Variants in POTEC observed in about 807,000 individuals in gnomAD.
POTEC encodes the protein ANKRD26-like family B member 2.
A neutral mutation model predicts 62.0 loss-of-function variants in POTEC; 35 were observed. The ratio of observed to expected loss-of-function variants is 0.56; its 90% CI spans 0.43 to 0.75. POTEC has a LOEUF of 0.75. Among genes scored for constraint, POTEC ranks in the 30% least tolerant of loss-of-function variants. The probability of loss-of-function intolerance (pLI) is 0.00; values close to 1 mark genes in which losing one functional copy is unlikely to be tolerated. For synonymous variants in POTEC, 156 were observed against 221.5 expected (o/e 0.70, Z 2.62); for missense variants, 472 against 655.9 (o/e 0.72, Z 3.06).
intron 6 of POTEC, among the ~76,000 whole-genome samples, chr18:14,526,238 T>G (rs113252249): frequency 6.6e-6 from 1 of 152,082 alleles, no homozygotes; most frequent in South Asian, 2.1e-4. Context: ...GAAGTCTTCC[T>G]TGATTCTGCA....
In POTEC at chr18:14,542,905, C is replaced by T. The variant is rs1285087107; in HGVS notation, c.242G>A (p.Gly81Asp). The change falls in exon 1 of 11, where the codon GGC (glycine) becomes GAC (aspartate). Residue 81 changes from glycine (G) to aspartate (D), a missense_variant. Gly to Asp is a moderately conservative substitution (Grantham distance 94). Coordinates refer to ENST00000358970, the MANE Select transcript of POTEC (RefSeq NM_001137671.2). ...CCRGSGTSNVGTSGDHDNSFM... is the reference protein window; with the variant it reads ...CCRGSGTSNVDTSGDHDNSFM... Reference sequence around the variant, plus strand: ...GGAGTTGTCATGGTCTCCAGAAGTGCCCACGTTGCTCGTGCCGCTCCCCCT... The same window carrying T: ...GGAGTTGTCATGGTCTCCAGAAGTGTCCACGTTGCTCGTGCCGCTCCCCCT... 2.3e-6 allele frequency: 3 copies of T among 1,280,258 alleles called. No homozygotes were observed. The highest frequency in any genetic ancestry group is 2.7e-5 in the East Asian group (1 of 37,480). The allele number at this position is 1,280,258 out of a possible 1,614,324, so 79.3% of individuals were successfully genotyped here.
In POTEC at chr18:14,508,057, T is replaced by C. The variant is rs1909892639; in HGVS notation, c.*3841A>G. On this transcript the variant is annotated 3_prime_UTR_variant, in exon 11 of 11. Coordinates refer to ENST00000358970, the MANE Select transcript of POTEC (RefSeq NM_001137671.2). ...ATTATGTGTCTTGGGGATGATCTTC[T>C]CATGGCATATCTTACTGAGGTTCTC... 6.6e-6 allele frequency: 1 copy of C among 152,210 alleles called. No individual in the cohort carries two copies. The highest frequency in any genetic ancestry group is 1.5e-5 in the Non-Finnish European group (1 of 68,038). 9.4% of individuals were successfully genotyped at this position (152,210 alleles called of 1,614,324 possible). A position where few individuals can be genotyped will look rare whatever the true frequency, so the allele number is the denominator to read the frequency against.
intron 10 of POTEC, among the ~76,000 whole-genome samples, chr18:14,512,684 T>C (rs1420029803): frequency 6.6e-6 from 1 of 152,150 alleles, no homozygotes; most frequent in Non-Finnish European, 1.5e-5. Context: ...GGCAGGAGAA[T>C]CGTGTGTACC....
At chr18:14,517,740 T>C (rs58314188) in intron 9 of POTEC, among the ~76,000 whole-genome samples, 1 of 152,202 alleles carries the variant, frequency 6.6e-6, no homozygotes, top group East Asian at 1.9e-4. Flanking sequence ...CATGCCCCCG[T>C]AATCCCAGCT....
rs1382801477 is a variant in POTEC, at chr18:14,513,647, G to T, written c.1533+15C>A. 1.2e-6 allele frequency: 2 copies of T among 1,610,522 alleles called. No homozygotes were observed. The highest frequency in any genetic ancestry group is 1.7e-6 in the Non-Finnish European group (2 of 1,179,608). On this transcript the variant is annotated intron_variant, in intron 10 of 10. Transcript: ENST00000358970. ...TACACATATGAAAACATTTGAAAATGACTAAAGAAAATACCTCAGAATTCA... is the reference window on the plus strand; with the variant it reads ...TACACATATGAAAACATTTGAAAATTACTAAAGAAAATACCTCAGAATTCA...
chr18:14,521,644 A>C lies in POTEC; in HGVS notation c.1409+610T>G, dbSNP rs576883995. Among the ~76,000 whole-genome samples, 38 of 152,256 alleles carry C rather than the reference A, an allele frequency of 2.5e-4. 1 individual carries two copies. In the South Asian group the frequency reaches 7.7e-3, roughly 31 times the overall value. On this transcript the variant is annotated intron_variant, in intron 9 of 10. Transcript: ENST00000358970. ...AATATGCTACTAAATTAATGTTCAA[A>C]ATGTATTTACCAACAGTGTATGAAA...
intron 6 of POTEC, chr18:14,529,092 A>G: frequency 2.3e-6 from 1 of 441,394 alleles, no homozygotes; most frequent in Non-Finnish European, 4.5e-6. Flanking sequence ...AATCATACCT[A>G]CTTTTTTTCA....
Position 14,534,993 on chromosome 18 carries a change from T to A in POTEC, c.825A>T (p.Pro275=). Residue 275 remains proline, a synonymous_variant, in exon 4 of 11, where the codon CCA becomes CCT. Coordinates refer to ENST00000358970, the MANE Select transcript of POTEC (RefSeq NM_001137671.2). ...IESKNKCGLT[P]LLLGVHEQKQ... is the part of the protein sequence containing the mutation. ...TTTGTTCATGTACGCCAAGCAAAAG[T>A]GGTGTGAGGCCACACTGTAAAACAA... is the stretch of plus-strand genomic sequence containing the variant. The A allele has an allele frequency of 1.3e-6, 2 of 1,556,408 alleles. No individual in the cohort carries two copies. Among genetic ancestry groups the A allele is most frequent in the Admixed American group, 4.0e-5 (2 of 49,942 alleles).
chr18:14,530,412 C>T, intron 6 of POTEC, 71 bp downstream of exon 6: 1 of 1,595,308 alleles, frequency 6.3e-7, no homozygotes, highest in Non-Finnish European at 8.6e-7. Context: ...CTGTCTTCCA[C>T]AAAACTGGTC....
Position 14,522,228 on chromosome 18 carries a change from C to T in POTEC, c.1409+26G>A, listed in dbSNP as rs767001240. On this transcript the variant is annotated intron_variant, in intron 9 of 10. Transcript: ENST00000358970. ...TTAGTTTGACAGCATATAGTTATCT[C>T]CTATTAAATGTTGCCATAGGCTTAC... 45 of 1,591,690 alleles carry T rather than the reference C, an allele frequency of 2.8e-5. No individual in the cohort carries two copies. The East Asian group carries it at 9.8e-4, about 35-fold the overall frequency.
Position 14,542,984 on chromosome 18 carries a change from T to C in POTEC, c.163A>G (p.Lys55Glu). The change falls in exon 1 of 11, where the codon AAG becomes GAG. Residue 55 changes from lysine to glutamate, a missense_variant. Lys to Glu is a moderately conservative substitution (Grantham distance 56, BLOSUM62 1). Transcript: ENST00000358970. ...TSGDHDDSFM[K>E]MLRSKMGKCC... ...TTGCCCATCTTGCTCCTGAGCATCT[T>C]CATAAAGGAGTCGTCGTGGTCTCCA... The C allele has an allele frequency of 6.3e-7, 1 of 1,578,408 alleles. No individual in the cohort carries two copies. The highest frequency in any genetic ancestry group is 8.6e-7 in the Non-Finnish European group (1 of 1,159,380).
chr18:14,524,836 T>C, intron 7 of POTEC, 77 bp downstream of exon 7: 1 of 1,483,122 alleles, frequency 6.7e-7, no homozygotes, highest in Non-Finnish European at 9.0e-7. Flanking sequence ...AAAGGTAATT[T>C]CATTTGGACT....
Position 14,542,737 on chromosome 18 carries a change from C to A in POTEC, c.410G>T (p.Arg137Leu). The A allele has an allele frequency of 1.2e-6, 2 of 1,613,344 alleles. No individual in the cohort carries two copies. Among genetic ancestry groups the A allele is most frequent in the Non-Finnish European group, 1.7e-6 (2 of 1,179,864 alleles). ...AFMEPRYHVR[R>L]EDLDKLHRAA... ...TCTGTGGAGCTTGTCCAGATCTTCT[C>A]GACGGACGTGGTACCTCGGCTCCAT... Residue 137 changes from arginine to leucine, a missense_variant, in exon 1 of 11, where the codon CGA becomes CTA. Physicochemically the swap from Arg to Leu is moderately radical, Grantham distance 102. Around this residue, in one of 5 missense-constraint regions of POTEC, gnomAD observed 257 missense variants for 250.7 expected, o/e 1.03. Transcript: ENST00000358970.
At chr18:14,536,973 G>C (rs1381500398) in intron 3 of POTEC, among the ~76,000 whole-genome samples, 2 of 151,594 alleles carry the variant, frequency 1.3e-5, no homozygotes, top group African/African-American at 4.9e-5. Context: ...TTAATTACTT[G>C]TTATTCCTTC....
chr18:14,519,744 A>G (rs1004839034), intron 9 of POTEC, among the ~76,000 whole-genome samples: 1 of 151,996 alleles, frequency 6.6e-6, no homozygotes, highest in Middle Eastern at 3.4e-3. Context: ...AAGTCACAAG[A>G]AAGAAGATTG....
chr18:14,515,297 A>T (rs1910116557), intron 9 of POTEC, among the ~76,000 whole-genome samples: 1 of 152,216 alleles, frequency 6.6e-6, no homozygotes, highest in Non-Finnish European at 1.5e-5. Context: ...CCTGACTTCA[A>T]ATTATACTCT....
At chr18:14,512,287 T>A (rs1221519564) in intron 10 of POTEC, among the ~76,000 whole-genome samples, 7 of 152,334 alleles carry the variant, frequency 4.6e-5, no homozygotes, top group Admixed American at 6.5e-5. Flanking sequence ...AATAGAAGAT[T>A]AATACATTTG....
In POTEC at chr18:14,542,718, G is replaced by T. The variant is rs1172031333; in HGVS notation, c.429C>A (p.Leu143=). 2 of 1,613,080 alleles carry T rather than the reference G, an allele frequency of 1.2e-6. No individual in the cohort carries two copies. Among genetic ancestry groups the T allele is most frequent in the African/African-American group, 1.3e-5 (1 of 74,852 alleles). Residue 143 remains leucine, a synonymous_variant, in exon 1 of 11, where the codon CTC becomes CTA. Transcript: ENST00000358970. ...YHVRREDLDK[L]HRAAWWGKVP... The stretch of plus-strand genomic sequence containing the variant: ...CCTTACCCCACCAGGCAGCTCTGTG[G>T]AGCTTGTCCAGATCTTCTCGACGGA...
intron 6 of POTEC, among the ~76,000 whole-genome samples, chr18:14,526,091 G>A (rs895587955): frequency 4.6e-5 from 7 of 151,808 alleles, no homozygotes; most frequent in Non-Finnish European, 8.8e-5. Context: ...TAGTAGAGAT[G>A]GGGTTTCACC....
Sources: allele counts gnomAD v4.1 joint callset (sites outside exome capture counted in the v4.1 genomes callset), GRCh38; gene constraint gnomAD v4.1.1; regional missense constraint gnomAD v4.1.1; transcripts MANE v1.5; gene names NCBI Gene and HGNC (gene_info 2026-07-23, HGNC 2026-07-21).